LRP1B: variants seen among roughly 807,000 people sequenced by gnomAD.
The protein encoded by LRP1B is low-density lipoprotein receptor-related protein 1B.
Under a neutral mutation model 556.6 loss-of-function variants are expected in LRP1B, and 217 were observed. The observed-to-expected ratio is 0.39, with a 90% CI of 0.35 to 0.44. LRP1B has a LOEUF of 0.44. Among genes scored for constraint, LRP1B ranks in the 20% least tolerant of loss-of-function variants. LRP1B has a pLI of 1.00. For synonymous variants in LRP1B, 2,047 were observed against 1,865.8 expected (o/e 1.10, Z -2.50); for missense variants, 5,053 against 5,620.8 (o/e 0.90, Z 3.23).
At chr2:141,314,129 T>C (rs969233416) in intron 3 of LRP1B, among the ~76,000 whole-genome samples, 4 of 152,190 alleles carry the variant, frequency 2.6e-5, no homozygotes, top group African/African-American at 9.6e-5. Flanking sequence ...GATGATGATC[T>C]ATTCTGTATC....
At chr2:140,333,292 T>C (rs895962851) in intron 79 of LRP1B, among the ~76,000 whole-genome samples, 2 of 152,094 alleles carry the variant, frequency 1.3e-5, no homozygotes, top group African/African-American at 4.8e-5. Context: ...GCCCATCTCT[T>C]ACTTTGCTTT....
At chr2:140,825,628 A>C (rs2105063326) in intron 31 of LRP1B, among the ~76,000 whole-genome samples, 1 of 152,320 alleles carries the variant, frequency 6.6e-6, no homozygotes, top group East Asian at 1.9e-4. Flanking sequence ...AGCTGTGTAT[A>C]ATATTAGTCG....
chr2:140,533,993 T>C (rs940602952), intron 47 of LRP1B, 28 bp downstream of exon 47: 11 of 1,611,930 alleles, frequency 6.8e-6, no homozygotes, highest in Middle Eastern at 1.6e-4. Flanking sequence ...CACACCAATA[T>C]TCTGAGATTG....
intron 2 of LRP1B, among the ~76,000 whole-genome samples, chr2:141,646,400 G>A (rs762034664): frequency 1.3e-5 from 2 of 152,094 alleles, no homozygotes; most frequent in Admixed American, 6.6e-5. Flanking sequence ...GTTTCATCTC[G>A]AATTTAAGAG....
At position 141,013,581 on chromosome 2, in the gene LRP1B, C is replaced by T. The variant is rs2105385317; in HGVS notation, c.2355G>A (p.Gln785=). Residue 785 remains glutamine (Q), a synonymous_variant, in exon 14 of 91, where the codon CAG becomes CAA. Transcript: ENST00000389484. ...CTTGTTGCTTTCGTGGATCATAAAT[C>T]TGAAGCCCAAATAGGGGTGGTCTTT... ...RHERPPLFGL[Q]IYDPRKQQGD... 2.5e-6 allele frequency: 4 copies of T among 1,608,858 alleles called. No homozygotes were observed. The highest frequency in any genetic ancestry group is 3.4e-6 in the Non-Finnish European group (4 of 1,177,982).
intron 43 of LRP1B, among the ~76,000 whole-genome samples, chr2:140,566,342 T>G (rs1408939628): frequency 6.6e-6 from 1 of 152,082 alleles, no homozygotes; most frequent in East Asian, 1.9e-4. Context: ...AACCATCCCA[T>G]GTATACCCAA....
chr2:141,272,441 G>T (rs1276354965), intron 3 of LRP1B, among the ~76,000 whole-genome samples: 1 of 151,720 alleles, frequency 6.6e-6, no homozygotes, highest in African/African-American at 2.4e-5. Context: ...AAAACAAAAG[G>T]TAAAATACCA....
At chr2:141,874,089 T>A (rs1356598072) in intron 1 of LRP1B, among the ~76,000 whole-genome samples, 3 of 58,550 alleles carry the variant, frequency 5.1e-5, no homozygotes, top group Non-Finnish European at 1.3e-4. Context: ...TAACAATTTT[T>A]TTTTTTTTTT....
intron 2 of LRP1B, among the ~76,000 whole-genome samples, chr2:141,694,641 T>A (rs554467266): frequency 6.6e-6 from 1 of 151,338 alleles, no homozygotes; most frequent in Admixed American, 6.6e-5. Flanking sequence ...ATCATTCGAT[T>A]GTTTCAAAAA....
chr2:141,380,153 G>A (rs1391794200), intron 3 of LRP1B, among the ~76,000 whole-genome samples: 5 of 151,480 alleles, frequency 3.3e-5, no homozygotes, highest in African/African-American at 1.2e-4. Flanking sequence ...AGAGTCTACA[G>A]AGAACAAAGC....
In LRP1B at chr2:140,311,149, T is replaced by A. The variant is rs551422895; in HGVS notation, c.12805+3786A>T. On this transcript the variant is annotated intron_variant, in intron 83 of 90. Coordinates refer to ENST00000389484, the MANE Select transcript of LRP1B (RefSeq NM_018557.3). ...CAGATAGCTAAAAATAAAACTACCA[T>A]TTGATACAGCAATCCCACTACTGAG... Among the ~76,000 whole-genome samples, 202 of 151,918 alleles carry A rather than the reference T, an allele frequency of 1.3e-3. 2 individuals are homozygous for A. Among genetic ancestry groups the A allele is most frequent in the Admixed American group, 3.0e-3 (46 of 15,178 alleles).
At chr2:141,906,460 G>A (rs1699764200) in intron 1 of LRP1B, among the ~76,000 whole-genome samples, 1 of 151,862 alleles carries the variant, frequency 6.6e-6, no homozygotes, top group Admixed American at 6.6e-5. Context: ...TGATAACCTG[G>A]TGTCAGTGAT....
intron 35 of LRP1B, among the ~76,000 whole-genome samples, chr2:140,745,820 T>G (rs1688295593): frequency 6.6e-6 from 1 of 152,192 alleles, no homozygotes; most frequent in Non-Finnish European, 1.5e-5. Flanking sequence ...ATTACTTGTA[T>G]TAGCTTATGG....
At chr2:141,560,076 A>G (rs899783988) in intron 2 of LRP1B, among the ~76,000 whole-genome samples, 3 of 151,588 alleles carry the variant, frequency 2.0e-5, no homozygotes. Flanking sequence ...CTTTGTGCTT[A>G]CTCTTTTGAC....
At chr2:140,961,039 G>A (rs1696018991) in intron 18 of LRP1B, among the ~76,000 whole-genome samples, 1 of 151,896 alleles carries the variant, frequency 6.6e-6, no homozygotes, top group African/African-American at 2.4e-5. Context: ...CTCAAACACT[G>A]TATTTGGTGG....
chr2:141,725,000 T>C (rs1203205261), intron 2 of LRP1B, among the ~76,000 whole-genome samples: 1 of 151,970 alleles, frequency 6.6e-6, no homozygotes, highest in Non-Finnish European at 1.5e-5. Context: ...TCCCGCCTTT[T>C]ATGTCTCCTG....
Position 141,790,285 on chromosome 2 carries a change from A to C in LRP1B, c.205+19994T>G, listed in dbSNP as rs1047368076. Among the ~76,000 whole-genome samples the C allele has an allele frequency of 3.3e-5, 5 of 151,790 alleles. No individual in the cohort carries two copies. In the South Asian group the frequency reaches 8.3e-4, roughly 25 times the overall value. On this transcript the variant is annotated intron_variant, in intron 2 of 90. Transcript: ENST00000389484. ...TTTTAATGGATAGAAATAACCCTACAATATACATTCTTAGATTTCATTTGT... is the reference window on the plus strand; with the variant it reads ...TTTTAATGGATAGAAATAACCCTACCATATACATTCTTAGATTTCATTTGT...
chr2:140,518,548 T>C lies in LRP1B; in HGVS notation c.8027-1537A>G, dbSNP rs796613446. 2.0e-5 allele frequency among the ~76,000 whole-genome samples: 3 copies of C among 152,310 alleles called. No individual in the cohort carries two copies. The East Asian group carries it at 5.8e-4, about 29-fold the overall frequency. On this transcript the variant is annotated intron_variant, in intron 49 of 90. Coordinates refer to ENST00000389484, the MANE Select transcript of LRP1B (RefSeq NM_018557.3). ...ATAATTTCAAAATTAACTACAGTCA[T>C]ACTGAGGTAAAGAATGTGTTGTTGT...
At chr2:142,074,027 TGC>T (rs1442261677) in intron 1 of LRP1B, among the ~76,000 whole-genome samples, 1 of 152,056 alleles carries the variant, frequency 6.6e-6, no homozygotes, top group Non-Finnish European at 1.5e-5. Context: ...TTTACAGCAG[TGC>T]GAGAATGGAC....
Sources: gnomAD v4.1 joint callset for allele counts (sites outside exome capture counted in the v4.1 genomes callset) on GRCh38, gnomAD v4.1.1 for gene constraint, MANE v1.5 for transcripts, NCBI Gene and HGNC (gene_info 2026-07-23, HGNC 2026-07-21) for gene names.